LPCAT1: variants seen among roughly 807,000 people sequenced by gnomAD.
LPCAT1 encodes lysophosphatidylcholine acyltransferase 1.
Under a neutral mutation model 60.9 loss-of-function variants are expected in LPCAT1, and 23 were observed. The observed-to-expected ratio is 0.38, with a 90% confidence interval of 0.27 to 0.53. The LOEUF is 0.53. Among genes scored for constraint, LPCAT1 ranks in the 20% least tolerant of loss-of-function variants. The probability of loss-of-function intolerance (pLI) is 0.82; values close to 1 mark genes in which losing one functional copy is unlikely to be tolerated. For synonymous variants in LPCAT1, 340 were observed against 301.1 expected (o/e 1.13, Z -1.34); for missense variants, 622 against 723.6 (o/e 0.86, Z 1.61).
At chr5:1,512,488 G>A (rs1736387381) in intron 1 of LPCAT1, among the ~76,000 whole-genome samples, 1 of 152,240 alleles carries the variant, frequency 6.6e-6, no homozygotes, top group African/African-American at 2.4e-5. Flanking sequence ...GCACCCTGCA[G>A]TCACTGGAGA....
intron 13 of LPCAT1, among the ~76,000 whole-genome samples, chr5:1,464,078 G>C (rs1198548130): frequency 6.6e-6 from 1 of 152,206 alleles, no homozygotes; most frequent in Non-Finnish European, 1.5e-5. Flanking sequence ...TCCTGCTTTT[G>C]GGAAACCCTA....
intron 12 of LPCAT1, among the ~76,000 whole-genome samples, chr5:1,470,520 T>C (rs1305621305): frequency 1.3e-5 from 2 of 152,286 alleles, no homozygotes; most frequent in South Asian, 4.1e-4. Flanking sequence ...GTGGCCCCTG[T>C]GTTAGGTGCC....
At position 1,481,062 on chromosome 5, in the gene LPCAT1, C is replaced by T. The variant is rs1275667620; in HGVS notation, c.727-86G>A. ...ACCTGCGTGTGCCGGCCTCTCCCTGCACCTCCCACCCCACAGAGGCGCTGC... is the reference window on the plus strand; with the variant it reads ...ACCTGCGTGTGCCGGCCTCTCCCTGTACCTCCCACCCCACAGAGGCGCTGC... On this transcript the variant is annotated intron_variant, in intron 6 of 13. Coordinates refer to ENST00000283415, the MANE Select transcript of LPCAT1 (RefSeq NM_024830.5). This position sits in a 1 kb window ranked among gnomAD's most constrained non-coding sequence, Gnocchi z 7.8. The T allele has an allele frequency of 3.4e-6, 5 of 1,485,092 alleles. No homozygotes were observed. The highest frequency in any genetic ancestry group is 4.5e-5 in the East Asian group (2 of 44,218). The allele number at this position is 1,485,092 out of a possible 1,614,324, so 92.0% of individuals were successfully genotyped here. A position where few individuals can be genotyped will look rare whatever the true frequency, so the allele number is the denominator to read the frequency against.
intron 5 of LPCAT1, among the ~76,000 whole-genome samples, chr5:1,485,996 G>A (rs1490008811): frequency 1.3e-5 from 2 of 152,232 alleles, no homozygotes; most frequent in Admixed American, 1.3e-4. Context: ...TCTTCGTTCT[G>A]CTCTGAGAGC....
In LPCAT1 at chr5:1,523,711, TG is replaced by T; in HGVS notation, c.133del (p.Gln45ArgfsTer5). 1.8e-6 allele frequency: 2 copies of T among 1,140,062 alleles called. No individual in the cohort carries two copies. The highest frequency in any genetic ancestry group is 2.6e-5 in the South Asian group (1 of 38,126). 70.6% of individuals were successfully genotyped at this position (1,140,062 alleles called of 1,614,324 possible). A position where few individuals can be genotyped will look rare whatever the true frequency, so the allele number is the denominator to read the frequency against. On this transcript the variant is annotated frameshift_variant and splice_region_variant, in exon 1 of 14. Transcript: ENST00000283415. LOFTEE classifies it high-confidence loss of function. This position sits in a 1 kb window ranked among gnomAD's most constrained non-coding sequence, Gnocchi z 7.1. ...GGGCCGCGCGCCCTGGGCACCCACC[TG>T]GGCCTTCTGCAGGGCGCTGAGGCGC... ...ELRLSALQKA[Q>X]VALMTLTLFP...
intron 3 of LPCAT1, among the ~76,000 whole-genome samples, chr5:1,494,436 C>T (rs1194327515): frequency 5.3e-5 from 8 of 151,348 alleles, no homozygotes; most frequent in Non-Finnish European, 1.2e-4. Context: ...CCCTCACTCC[C>T]GGTAGGGAGG....
chr5:1,483,076 G>GT lies in LPCAT1; in HGVS notation c.726+351dup, dbSNP rs1261028687. Among the ~76,000 whole-genome samples, 1 of 152,204 alleles carries GT rather than the reference G, an allele frequency of 6.6e-6. No homozygotes were observed. The highest frequency in any genetic ancestry group is 1.5e-5 in the Non-Finnish European group (1 of 68,032). On this transcript the variant is annotated intron_variant, in intron 6 of 13. Transcript: ENST00000283415. The surrounding 1 kb of genome is among the most constrained non-coding windows in gnomAD (Gnocchi z 9.2). ...TGGGGGCCCTGGCCGGTGATGTGGG[G>GT]TGGAGGGGTTCCCTCTCCAAAATGT...
At chr5:1,479,222 C>A (rs1246295536) in intron 8 of LPCAT1, among the ~76,000 whole-genome samples, 1 of 152,094 alleles carries the variant, frequency 6.6e-6, no homozygotes. Context: ...AAAGTGAGAC[C>A]CATCTCTACA....
intron 1 of LPCAT1, among the ~76,000 whole-genome samples, chr5:1,509,025 C>G (rs754529384): frequency 6.6e-6 from 1 of 152,268 alleles, no homozygotes; most frequent in Non-Finnish European, 1.5e-5. Flanking sequence ...TGAGGCCCAC[C>G]AGGCGCAGGG....
At chr5:1,486,540 G>A (rs530147699) in intron 5 of LPCAT1, among the ~76,000 whole-genome samples, 6 of 152,278 alleles carry the variant, frequency 3.9e-5, no homozygotes, top group African/African-American at 9.6e-5. Context: ...GGGAGGGTCT[G>A]AGTGGGTGGG....
At position 1,469,981 on chromosome 5, in the gene LPCAT1, A is replaced by C. The variant is rs563086109; in HGVS notation, c.1278+845T>G. On this transcript the variant is annotated intron_variant, in intron 12 of 13. Transcript: ENST00000283415. ...GTTCATCCTGCCTGGGGAGACCCCC[A>C]CAAGCCACCTTTTCATGTGGGGACA... is the stretch of plus-strand genomic sequence containing the variant. Among the ~76,000 whole-genome samples the C allele has an allele frequency of 4.6e-5, 7 of 152,322 alleles. No individual in the cohort carries two copies. In the South Asian group the frequency reaches 8.3e-4, roughly 18 times the overall value.
chr5:1,477,719 C>G lies in LPCAT1; in HGVS notation c.817-233G>C, dbSNP rs937119896. Among the ~76,000 whole-genome samples, 14 of 152,156 alleles carry G rather than the reference C, an allele frequency of 9.2e-5. No individual in the cohort carries two copies. Among genetic ancestry groups the G allele is most frequent in the African/African-American group, 3.1e-4 (13 of 41,444 alleles). On this transcript the variant is annotated intron_variant, in intron 8 of 13. Transcript: ENST00000283415. The surrounding 1 kb of genome is among the most constrained non-coding windows in gnomAD (Gnocchi z 6.0). ...CCTCATTGGTGCTCCCTGGGAGCAC[C>G]TGCTGCCTACATCAGAACATCTGGC...
rs1404784909 is a variant in LPCAT1, at chr5:1,483,035, G to A, written c.726+393C>T. ...TTTTAAACTTCCTGGAGCATGAACT[G>A]GGTACTGAAAGCTGCTGGGGGCCCT... On this transcript the variant is annotated intron_variant, in intron 6 of 13. Coordinates refer to ENST00000283415, the MANE Select transcript of LPCAT1 (RefSeq NM_024830.5). This position sits in a 1 kb window ranked among gnomAD's most constrained non-coding sequence, Gnocchi z 9.2. Among the ~76,000 whole-genome samples, 1 of 152,184 alleles carries A rather than the reference G, an allele frequency of 6.6e-6. No individual in the cohort carries two copies. The highest frequency in any genetic ancestry group is 2.4e-5 in the African/African-American group (1 of 41,440).
chr5:1,463,880 A>G, intron 13 of LPCAT1, 45 bp from the exon 14 acceptor site: 1 of 1,596,112 alleles, frequency 6.3e-7, no homozygotes, highest in Non-Finnish European at 8.6e-7. Context: ...GGGACGAGCA[A>G]ATGTCTAGGA....
At position 1,480,254 on chromosome 5, in the gene LPCAT1, T is replaced by C. The variant is rs1735082830; in HGVS notation, c.762-579A>G. 2 of 756,012 alleles carry C rather than the reference T, an allele frequency of 2.6e-6. No homozygotes were observed. The highest frequency in any genetic ancestry group is 1.6e-6 in the Non-Finnish European group (1 of 632,060). The allele number at this position is 756,012 out of a possible 1,614,324, so 46.8% of individuals were successfully genotyped here. A position where few individuals can be genotyped will look rare whatever the true frequency, so the allele number is the denominator to read the frequency against. The stretch of plus-strand genomic sequence containing the variant: ...CCCCAGAGCCCCCTCCCAGCTCTGC[T>C]CCCAGCTGGGAGCCTCCACACGCCA... On this transcript the variant is annotated intron_variant, in intron 7 of 13. Transcript: ENST00000283415. This position sits in a 1 kb window ranked among gnomAD's most constrained non-coding sequence, Gnocchi z 6.4.
rs768784341 is a variant in LPCAT1, at chr5:1,474,692, G to A, written c.900-7C>T. 4 of 1,612,036 alleles carry A rather than the reference G, an allele frequency of 2.5e-6. No homozygotes were observed. The highest frequency in any genetic ancestry group is 2.5e-6 in the Non-Finnish European group (3 of 1,178,856). ...CACGGAGACACCCAAGGCCCTACAA[G>A]GAGGGCAGCACCCCCGTCAGCCCAG... is the stretch of plus-strand genomic sequence containing the variant. On this transcript the variant is annotated splice_region_variant and splice_polypyrimidine_tract_variant and intron_variant, in intron 9 of 13. Transcript: ENST00000283415.
rs1018051904 is a variant in LPCAT1, at chr5:1,477,628, G to A, written c.817-142C>T. ...CCGTCTTCAAAGTTGTCATGTGCAC[G>A]TGTGTGTACGCACACACACACCCCC... is the stretch of plus-strand genomic sequence containing the variant. On this transcript the variant is annotated intron_variant, in intron 8 of 13. Transcript: ENST00000283415. This position sits in a 1 kb window ranked among gnomAD's most constrained non-coding sequence, Gnocchi z 6.0. 1.1e-5 allele frequency: 7 copies of A among 618,868 alleles called. No individual in the cohort carries two copies. Among genetic ancestry groups the A allele is most frequent in the East Asian group, 8.3e-5 (3 of 35,990 alleles). The allele number at this position is 618,868 out of a possible 1,614,324, so 38.3% of individuals were successfully genotyped here. A position where few individuals can be genotyped will look rare whatever the true frequency, so the allele number is the denominator to read the frequency against.
chr5:1,463,455 G>T lies in LPCAT1; in HGVS notation c.*196C>A, dbSNP rs751407593. ...TCCGCGTGCGCGCCCTCCGATTCTC[G>T]CACAGTAAGCGTCGGTTCTGCAACA... is the stretch of plus-strand genomic sequence containing the variant. On this transcript the variant is annotated 3_prime_UTR_variant, in exon 14 of 14. Transcript: ENST00000283415. 2.4e-5 allele frequency: 15 copies of T among 633,664 alleles called. No homozygotes were observed. Among genetic ancestry groups the T allele is most frequent in the Non-Finnish European group, 4.0e-5 (15 of 378,966 alleles). The allele number at this position is 633,664 out of a possible 1,614,324, so 39.3% of individuals were successfully genotyped here.
chr5:1,494,888 A>G lies in LPCAT1; in HGVS notation c.305T>C (p.Ile102Thr), dbSNP rs1312165729. 5.0e-6 allele frequency: 8 copies of G among 1,612,052 alleles called. No individual in the cohort carries two copies. The highest frequency in any genetic ancestry group is 1.7e-5 in the Admixed American group (1 of 59,858). ...RKVVDFLLKA[I>T]MRTMWFAGGF... ...GCCGGCGAACCACATGGTGCGCATG[A>G]TGGCCTTCAGCAGGAAGTCCACAAC... Residue 102 changes from isoleucine (I) to threonine (T), a missense_variant, in exon 3 of 14, where the codon ATC (isoleucine) becomes ACC (threonine). This residue lies in a region of LPCAT1 where 209 missense variants were observed against 325.5 expected (regional missense o/e 0.64). Transcript: ENST00000283415.
Sources: allele counts gnomAD v4.1 joint callset (sites outside exome capture counted in the v4.1 genomes callset), GRCh38; gene constraint gnomAD v4.1.1; regional missense constraint gnomAD v4.1.1; non-coding constraint Gnocchi (gnomAD v3.1); transcripts MANE v1.5; gene names NCBI Gene and HGNC (gene_info 2026-07-23, HGNC 2026-07-21).